The following PPP4R4 variants were observed in gnomAD, a reference collection of about 807,000 sequenced individuals.
PPP4R4 encodes serine/threonine-protein phosphatase 4 regulatory subunit 4.
A neutral mutation model predicts 121.8 loss-of-function variants in PPP4R4; 70 were observed. The ratio of observed to expected loss-of-function variants is 0.57; its 90% confidence interval spans 0.47 to 0.70. The LOEUF (loss-of-function observed/expected upper bound fraction) is 0.70, where lower values mean the gene tolerates loss of function less well. Among genes scored for constraint, PPP4R4 ranks in the 30% least tolerant of loss-of-function variants. PPP4R4 has a pLI of 0.00. For missense variants in PPP4R4, 875 were observed against 1,033.6 expected, an observed-to-expected ratio of 0.85 and a Z score of 2.10; for synonymous variants, 348 against 355.7, an observed-to-expected ratio of 0.98 and a Z score of 0.24.
intron 23 of PPP4R4, 138 bp downstream of exon 23, chr14:94,267,167 T>G (rs1054249883): frequency 3.5e-6 from 2 of 569,234 alleles, no homozygotes; most frequent in Non-Finnish European, 6.0e-6. Context: ...GAAATTAAAC[T>G]TTTGTCTAGC....
At chr14:94,196,579 G>T (rs1051098756) in intron 2 of PPP4R4, among the ~76,000 whole-genome samples, 1 of 152,042 alleles carries the variant, frequency 6.6e-6, no homozygotes, top group Non-Finnish European at 1.5e-5. Flanking sequence ...CTCCCAAAGT[G>T]CTGGGATTAC....
At chr14:94,251,340 C>A (rs913985430) in intron 15 of PPP4R4, among the ~76,000 whole-genome samples, 3 of 151,954 alleles carry the variant, frequency 2.0e-5, no homozygotes, top group Non-Finnish European at 4.4e-5. Flanking sequence ...TCTGCACCTG[C>A]CAGCTGTGTG....
intron 3 of PPP4R4, among the ~76,000 whole-genome samples, chr14:94,212,811 T>C (rs1311814274): frequency 6.6e-6 from 1 of 152,172 alleles, no homozygotes; most frequent in African/African-American, 2.4e-5. Flanking sequence ...CCATGGTCTT[T>C]TATAAAATTC....
At chr14:94,231,388 A>G in intron 5 of PPP4R4, 73 bp downstream of exon 5, 1 of 1,324,020 alleles carries the variant, frequency 7.6e-7, no homozygotes, top group East Asian at 2.3e-5. Flanking sequence ...TTTCTTGTCA[A>G]AAATGGTTTT....
chr14:94,195,494 T>C (rs1889824556), intron 2 of PPP4R4, among the ~76,000 whole-genome samples: 1 of 152,224 alleles, frequency 6.6e-6, no homozygotes. Flanking sequence ...CAGTAATTAA[T>C]GTTGGTGGTT....
chr14:94,255,367 G>C (rs1893413282), intron 16 of PPP4R4, among the ~76,000 whole-genome samples: 1 of 152,082 alleles, frequency 6.6e-6, no homozygotes, highest in Non-Finnish European at 1.5e-5. Flanking sequence ...GGGAGGCCAA[G>C]GCAGGCGGAT....
In PPP4R4 at chr14:94,231,623, G is replaced by A. The variant is rs1892043266; in HGVS notation, c.516+308G>A. ...TTTATATATGGTTGTTTTTCACTTAGCATTACTTTCCTATATTTTTTAAAC... is the reference window on the plus strand; with the variant it reads ...TTTATATATGGTTGTTTTTCACTTAACATTACTTTCCTATATTTTTTAAAC... On this transcript the variant is annotated intron_variant, in intron 5 of 24. Transcript: ENST00000304338. Among the ~76,000 whole-genome samples the A allele has an allele frequency of 2.0e-5, 3 of 152,052 alleles. No homozygotes were observed. In the South Asian group the frequency reaches 6.2e-4, roughly 32 times the overall value.
chr14:94,233,625 A>G, intron 5 of PPP4R4, 28 bp from the exon 6 acceptor site: 2 of 1,462,104 alleles, frequency 1.4e-6, no homozygotes, highest in Non-Finnish European at 1.9e-6. Context: ...AAATTTTGTG[A>G]ATTTTTTTCT....
chr14:94,238,585 G>C (rs1274107642), intron 8 of PPP4R4, among the ~76,000 whole-genome samples: 1 of 152,228 alleles, frequency 6.6e-6, no homozygotes, highest in Non-Finnish European at 1.5e-5. Flanking sequence ...TGTAAATCAT[G>C]TCACAAAGAC....
chr14:94,269,782 G>A (rs1281969784), intron 23 of PPP4R4, among the ~76,000 whole-genome samples: 1 of 152,186 alleles, frequency 6.6e-6, no homozygotes, highest in Non-Finnish European at 1.5e-5. Context: ...TGTTCATTGT[G>A]TGGGGACTTA....
chr14:94,215,555 G>T (rs1890977769), intron 3 of PPP4R4, among the ~76,000 whole-genome samples: 1 of 152,150 alleles, frequency 6.6e-6, no homozygotes, highest in Non-Finnish European at 1.5e-5. Context: ...TGATAGGAAG[G>T]AATGTAAATA....
Position 94,262,663 on chromosome 14 carries a change from C to T in PPP4R4, c.2128-2215C>T, listed in dbSNP as rs74074187. ...TCATATGTATCTTGAAGAATACACT[C>T]TTAGTGTAAACTTTTACATTTACTC... is the stretch of plus-strand genomic sequence containing the variant. On this transcript the variant is annotated intron_variant, in intron 19 of 24. Coordinates refer to ENST00000304338, the MANE Select transcript of PPP4R4 (RefSeq NM_058237.2). Among the ~76,000 whole-genome samples the T allele has an allele frequency of 3.1e-3, 465 of 152,120 alleles. 2 individuals carry two copies. The highest frequency in any genetic ancestry group is 0.011 in the African/African-American group (449 of 41,572).
At chr14:94,254,959 C>G (rs1456198548) in intron 16 of PPP4R4, among the ~76,000 whole-genome samples, 1 of 152,134 alleles carries the variant, frequency 6.6e-6, no homozygotes, top group African/African-American at 2.4e-5. Flanking sequence ...TCCTTTTCTT[C>G]TCTAACTGTA....
intron 24 of PPP4R4, among the ~76,000 whole-genome samples, chr14:94,277,882 T>C (rs1427631092): frequency 6.6e-6 from 1 of 152,216 alleles, no homozygotes; most frequent in Non-Finnish European, 1.5e-5. Context: ...TTTCTGATTC[T>C]AAAGGAGGGA....
At chr14:94,230,868 A>C (rs1891993901) in intron 4 of PPP4R4, 134 bp downstream of exon 4, 2 of 991,554 alleles carry the variant, frequency 2.0e-6, no homozygotes, top group Non-Finnish European at 2.8e-6. Context: ...GAGCAGTGGA[A>C]TGACTTAAAA....
chr14:94,245,413 C>G (rs1387923091), intron 12 of PPP4R4, among the ~76,000 whole-genome samples, 174 bp from the exon 13 acceptor site: 1 of 151,744 alleles, frequency 6.6e-6, no homozygotes, highest in African/African-American at 2.4e-5. Context: ...GGCAGTTGAT[C>G]ATGTTTCTAA....
chr14:94,201,682 C>T (rs1595467334), intron 2 of PPP4R4, among the ~76,000 whole-genome samples: 1 of 152,168 alleles, frequency 6.6e-6, no homozygotes, highest in East Asian at 1.9e-4. Context: ...TCTTTTTCTA[C>T]CCCTTTACCT....
chr14:94,265,922 T>C, intron 22 of PPP4R4, 35 bp downstream of exon 22: 1 of 1,341,522 alleles, frequency 7.5e-7, no homozygotes, highest in South Asian at 1.3e-5. Flanking sequence ...TTTAACATAA[T>C]TTTTATCTTT....
In PPP4R4 at chr14:94,265,462, C is replaced by T; in HGVS notation, c.2273C>T (p.Thr758Ile). The T allele has an allele frequency of 1.2e-6, 2 of 1,608,138 alleles. No homozygotes were observed. The highest frequency in any genetic ancestry group is 1.1e-5 in the South Asian group (1 of 90,858). ...TCTGTTCCTGGACCCTCTTCTGTCA[C>T]CCCATCGACAAGTAAGAAATAACTT... ...PISVPGPSSV[T>I]PSTSKEIKKS... The change falls in exon 21 of 25, where the codon ACC becomes ATC. Residue 758 changes from threonine (T) to isoleucine (I), a missense_variant. Transcript: ENST00000304338.
Sources: gnomAD v4.1 joint callset for allele counts (sites outside exome capture counted in the v4.1 genomes callset) on GRCh38, gnomAD v4.1.1 for gene constraint, MANE v1.5 for transcripts, NCBI Gene and HGNC (gene_info 2026-07-23, HGNC 2026-07-21) for gene names.